PDE4D: variants seen among roughly 807,000 people sequenced by gnomAD.
PDE4D encodes the protein 3',5'-cyclic-AMP phosphodiesterase 4D.
A neutral mutation model predicts 87.4 loss-of-function variants in PDE4D; 24 were observed. That is an observed-to-expected ratio of 0.27 (90% CI 0.20 to 0.39). PDE4D has a LOEUF of 0.39. Among genes scored for constraint, PDE4D ranks in the 10% least tolerant of loss-of-function variants. The pLI, the probability that PDE4D is intolerant of heterozygous loss-of-function variation, is 1.00. For synonymous variants in PDE4D, 384 were observed against 383.2 expected, an observed-to-expected ratio of 1.00 and a Z score of -0.02; for missense variants, 714 against 1,041.0, an observed-to-expected ratio of 0.69 and a Z score of 4.32.
chr5:59,333,998 A>C (rs1777194933), intron 1 of PDE4D, among the ~76,000 whole-genome samples: 1 of 152,048 alleles, frequency 6.6e-6, no homozygotes, highest in South Asian at 2.1e-4. Flanking sequence ...AAAGCTGAAA[A>C]GTCTTTACTG....
chr5:59,904,318 C>T (rs577494622), intron 3 of PDE4D, among the ~76,000 whole-genome samples: 22 of 152,120 alleles, frequency 1.4e-4, no homozygotes, highest in Non-Finnish European at 2.8e-4. Context: ...TTGAAAGGAA[C>T]TCCAGGACTC....
rs2153586831 is a variant in PDE4D, at chr5:59,350,947, T to C, written c.456-134979A>G. Among the ~76,000 whole-genome samples the C allele has an allele frequency of 2.0e-5, 3 of 152,326 alleles. 1 individual carries two copies. In the South Asian group the frequency reaches 6.2e-4, roughly 32 times the overall value. ...GGTGAGCCTGGGTTGTATGTGCAAG[T>C]TGCTTATAAGGTAACCATTTATAAG... On this transcript the variant is annotated intron_variant, in intron 1 of 14. Transcript: ENST00000340635.
In PDE4D at chr5:59,161,480, G is replaced by C. The variant is rs150080907; in HGVS notation, c.808+19115C>G. ...TCTGGGTTAAGATAAAAGTTGTGGA[G>C]ACCAAAGGTTTATTAGGCAGATGAA... On this transcript the variant is annotated intron_variant, in intron 5 of 14. Transcript: ENST00000340635. 6.6e-4 allele frequency among the ~76,000 whole-genome samples: 100 copies of C among 152,272 alleles called. 5 individuals are homozygous for C. The East Asian group carries it at 0.015, about 24-fold the overall frequency.
intron 1 of PDE4D, among the ~76,000 whole-genome samples, chr5:59,807,176 C>A (rs1449400495): frequency 6.6e-6 from 1 of 152,156 alleles, no homozygotes; most frequent in Non-Finnish European, 1.5e-5. Context: ...GGGTTCAATA[C>A]CCCTCTTAGA....
intron 1 of PDE4D, among the ~76,000 whole-genome samples, chr5:59,456,027 C>A (rs1438652058): frequency 6.6e-6 from 1 of 152,134 alleles, no homozygotes; most frequent in Non-Finnish European, 1.5e-5. Context: ...AGAAGGGACT[C>A]CCCTTGTCTC....
At position 59,739,030 on chromosome 5, in the gene PDE4D, A is replaced by G. The variant is rs373892086; in HGVS notation, c.455+154138T>C. On this transcript the variant is annotated intron_variant, in intron 1 of 14. Transcript: ENST00000340635. Reference sequence around the variant, plus strand: ...AGTCATAGATCAAATTTTCCAAAAGAAAAGTGATTCTTTTGTCTATAGTTG... The same window carrying G: ...AGTCATAGATCAAATTTTCCAAAAGGAAAGTGATTCTTTTGTCTATAGTTG... Among the ~76,000 whole-genome samples the G allele has an allele frequency of 2.2e-4, 33 of 152,292 alleles. No homozygotes were observed. The South Asian group carries it at 6.8e-3, about 32-fold the overall frequency.
At chr5:59,041,938 A>G (rs1759756580) in intron 5 of PDE4D, among the ~76,000 whole-genome samples, 1 of 152,252 alleles carries the variant, frequency 6.6e-6, no homozygotes, top group Non-Finnish European at 1.5e-5. Context: ...GACAGGAGGA[A>G]CAATTTACTT....
chr5:59,882,588 C>T (rs1561811698), intron 1 of PDE4D, among the ~76,000 whole-genome samples: 1 of 152,062 alleles, frequency 6.6e-6, no homozygotes, highest in African/African-American at 2.4e-5. Context: ...TAAGTAACTT[C>T]TAACATTTAA....
chr5:59,083,245 T>A (rs1767084802), intron 5 of PDE4D, among the ~76,000 whole-genome samples: 1 of 152,084 alleles, frequency 6.6e-6, no homozygotes, highest in African/African-American at 2.4e-5. Context: ...AAGATCCTTT[T>A]TTTTTGTTCT....
At chr5:59,937,002 C>T (rs1467648743) in intron 3 of PDE4D, among the ~76,000 whole-genome samples, 1 of 152,210 alleles carries the variant, frequency 6.6e-6, no homozygotes, top group Non-Finnish European at 1.5e-5. Context: ...CAGCAAACCT[C>T]TAATGATGGC....
intron 2 of PDE4D, among the ~76,000 whole-genome samples, chr5:60,012,418 T>G (rs766173206): frequency 4.6e-5 from 7 of 152,194 alleles, no homozygotes; most frequent in Non-Finnish European, 7.3e-5. Flanking sequence ...GAAAGTACAA[T>G]GTGACTTTAT....
chr5:60,148,766 T>C (rs1441005880), intron 2 of PDE4D, among the ~76,000 whole-genome samples: 4 of 152,214 alleles, frequency 2.6e-5, no homozygotes, highest in Non-Finnish European at 1.5e-5. Flanking sequence ...GATAGACTTA[T>C]TTAATGAAAA....
chr5:59,279,199 A>T (rs1027214576), intron 1 of PDE4D, among the ~76,000 whole-genome samples: 4 of 152,128 alleles, frequency 2.6e-5, no homozygotes, highest in African/African-American at 9.7e-5. Flanking sequence ...AGGCCTCTCA[A>T]ATATGCTGAA....
At chr5:60,333,369 C>T (rs1583448960) in intron 1 of PDE4D, among the ~76,000 whole-genome samples, 3 of 152,204 alleles carry the variant, frequency 2.0e-5, no homozygotes, top group East Asian at 1.9e-4. Context: ...ACTTGATGTA[C>T]ATCTGTGGCC....
At chr5:60,019,351 G>A (rs181339044) in intron 2 of PDE4D, among the ~76,000 whole-genome samples, 263 of 152,230 alleles carry the variant, frequency 1.7e-3, no homozygotes, top group African/African-American at 5.9e-3. Flanking sequence ...ATTTAAAGTC[G>A]CCAGCTGCAT....
chr5:60,034,678 T>C (rs904149701), intron 2 of PDE4D, among the ~76,000 whole-genome samples: 1 of 152,208 alleles, frequency 6.6e-6, no homozygotes, highest in African/African-American at 2.4e-5. Flanking sequence ...TTGAGGACCA[T>C]TATTCAGACT....
At chr5:59,124,248 C>T (rs185490446) in intron 5 of PDE4D, among the ~76,000 whole-genome samples, 4 of 152,202 alleles carry the variant, frequency 2.6e-5, no homozygotes, top group Admixed American at 1.3e-4. Context: ...TTATTTGACA[C>T]GTGAGGACCA....
chr5:59,215,495 T>A, intron 2 of PDE4D: 2 of 365,218 alleles, frequency 5.5e-6, no homozygotes, highest in Admixed American at 4.5e-5. Flanking sequence ...TTAGTTTCCA[T>A]TAAAAATTTA....
intron 1 of PDE4D, chr5:60,335,022 T>A (rs1757624600): frequency 6.6e-6 from 1 of 151,944 alleles, no homozygotes; most frequent in African/African-American, 2.4e-5. Context: ...GTTCTAGGAG[T>A]ATGAGCAGAA....
Sources: allele counts gnomAD v4.1 joint callset (sites outside exome capture counted in the v4.1 genomes callset), GRCh38; gene constraint gnomAD v4.1.1; transcripts MANE v1.5; gene names NCBI Gene and HGNC (gene_info 2026-07-23, HGNC 2026-07-21).